Variants in MYO3B observed in about 807,000 individuals in gnomAD.
The protein encoded by MYO3B is myosin-IIIb.
A neutral mutation model predicts 174.6 loss-of-function variants in MYO3B; 156 were observed. The observed-to-expected ratio is 0.89, with a 90% CI of 0.78 to 1.02. MYO3B has a LOEUF of 1.02. Ranked by LOEUF, MYO3B falls within the 50% of genes least tolerant of loss-of-function variation. MYO3B has a pLI of 0.00. For synonymous variants in MYO3B, 563 were observed against 569.1 expected, an observed-to-expected ratio of 0.99 and a Z score of 0.15; for missense variants, 1,632 against 1,639.4, an observed-to-expected ratio of 1.00 and a Z score of 0.08.
intron 28 of MYO3B, among the ~76,000 whole-genome samples, chr2:170,508,333 T>A (rs1324825092): frequency 6.6e-6 from 1 of 152,242 alleles, no homozygotes; most frequent in Non-Finnish European, 1.5e-5. Flanking sequence ...CTTTACTCTA[T>A]GTCTTTAAAA....
Position 170,550,432 on chromosome 2 carries a change from G to A in MYO3B, c.3733+6444G>A, listed in dbSNP as rs192155840. 4.8e-4 allele frequency among the ~76,000 whole-genome samples: 73 copies of A among 152,312 alleles called. 1 individual carries two copies. Among genetic ancestry groups the A allele is most frequent in the Non-Finnish European group, 2.9e-4 (20 of 68,024 alleles). ...TTCCAATTCTGTGTGGGATGGAGGC[G>A]GGGATTCGTATTGTTATCAAGTTTC... On this transcript the variant is annotated intron_variant, in intron 32 of 34. Transcript: ENST00000408978.
At chr2:170,399,777 G>A (rs1432625520) in intron 16 of MYO3B, among the ~76,000 whole-genome samples, 1 of 152,188 alleles carries the variant, frequency 6.6e-6, no homozygotes, top group Non-Finnish European at 1.5e-5. Flanking sequence ...GTGGCTTAAA[G>A]AACAAAGAAG....
chr2:170,382,033 C>T lies in MYO3B; in HGVS notation c.989C>T (p.Thr330Ile), dbSNP rs1412785087. ...ATTTCTAGGCATGAGAGGATGCATACCAGAAGACCTTATCATGTGGAAGAT... is the reference window on the plus strand; with the variant it reads ...ATTTCTAGGCATGAGAGGATGCATATCAGAAGACCTTATCATGTGGAAGAT... ...VAKTRHERMH[T>I]RRPYHVEDAE... The change falls in exon 10 of 35, where the codon ACC (threonine) becomes ATC (isoleucine). Residue 330 changes from threonine (T) to isoleucine (I), a missense_variant. Physicochemically the swap from Thr to Ile is moderately conservative, Grantham distance 89. Coordinates refer to ENST00000408978, the MANE Select transcript of MYO3B (RefSeq NM_138995.5). 36 of 1,612,926 alleles carry T rather than the reference C, an allele frequency of 2.2e-5. No individual in the cohort carries two copies. The highest frequency in any genetic ancestry group is 2.8e-5 in the Non-Finnish European group (33 of 1,179,298).
Position 170,386,243 on chromosome 2 carries a change from A to C in MYO3B, c.1345A>C (p.Ile449Leu). The change falls in exon 13 of 35, where the codon ATT becomes CTT. Residue 449 changes from isoleucine (I) to leucine (L), a missense_variant. Transcript: ENST00000408978. ...TGGGAAGACAGAAAGCGCCCACCTGATTGTTCAGCATTTGACTTTCTTGGG... is the reference window on the plus strand; with the variant it reads ...TGGGAAGACAGAAAGCGCCCACCTGCTTGTTCAGCATTTGACTTTCTTGGG... The part of the protein sequence containing the change: ...GSGKTESAHL[I>L]VQHLTFLGKA... 1 of 1,613,600 alleles carries C rather than the reference A, an allele frequency of 6.2e-7. No homozygotes were observed. The highest frequency in any genetic ancestry group is 8.5e-7 in the Non-Finnish European group (1 of 1,179,642).
intron 7 of MYO3B, among the ~76,000 whole-genome samples, chr2:170,254,365 C>T (rs946539930): frequency 6.6e-6 from 1 of 152,158 alleles, no homozygotes; most frequent in African/African-American, 2.4e-5. Flanking sequence ...CCATCTTACT[C>T]TGAATGACCA....
chr2:170,600,100 A>T (rs369594750), intron 32 of MYO3B, among the ~76,000 whole-genome samples: 49 of 151,176 alleles, frequency 3.2e-4, no homozygotes, highest in Non-Finnish European at 5.7e-4. Context: ...AACAATAGAG[A>T]ACTCTGAAGA....
chr2:170,494,904 A>G (rs1254619112), intron 25 of MYO3B, among the ~76,000 whole-genome samples: 2 of 152,152 alleles, frequency 1.3e-5, no homozygotes, highest in African/African-American at 4.8e-5. Context: ...TCCCTACCCA[A>G]GATAATAGTT....
intron 30 of MYO3B, among the ~76,000 whole-genome samples, chr2:170,533,532 G>A (rs1021219504): frequency 1.3e-5 from 2 of 151,900 alleles, no homozygotes; most frequent in African/African-American, 4.8e-5. Context: ...TCTATGCCTT[G>A]GCCTAATTCA....
At chr2:170,312,753 C>T (rs1291601906) in intron 7 of MYO3B, among the ~76,000 whole-genome samples, 1 of 152,188 alleles carries the variant, frequency 6.6e-6, no homozygotes, top group Non-Finnish European at 1.5e-5. Context: ...GGTTAGAGGC[C>T]AGTTGAAATC....
intron 32 of MYO3B, among the ~76,000 whole-genome samples, chr2:170,559,967 T>TG (rs2106249548): frequency 6.6e-6 from 1 of 152,314 alleles, no homozygotes; most frequent in South Asian, 2.1e-4. Flanking sequence ...GAGGGGATTC[T>TG]GGGTCAGGAC....
chr2:170,226,184 C>T (rs1047903765), intron 6 of MYO3B, among the ~76,000 whole-genome samples: 3 of 152,094 alleles, frequency 2.0e-5, no homozygotes, highest in Admixed American at 6.5e-5. Flanking sequence ...ATTCATGGGA[C>T]CCTGTCTGCC....
chr2:170,229,542 C>T (rs1001352749), intron 6 of MYO3B, among the ~76,000 whole-genome samples: 1 of 152,060 alleles, frequency 6.6e-6, no homozygotes, highest in Admixed American at 6.6e-5. Flanking sequence ...CTGAATAATA[C>T]CTGTTGTTTA....
chr2:170,616,495 T>A (rs1439068836), intron 32 of MYO3B, among the ~76,000 whole-genome samples: 1 of 152,196 alleles, frequency 6.6e-6, no homozygotes, highest in Non-Finnish European at 1.5e-5. Context: ...ACTTTGTATT[T>A]ACAATAATCA....
At chr2:170,366,369 T>C (rs1468510792) in intron 8 of MYO3B, among the ~76,000 whole-genome samples, 1 of 152,112 alleles carries the variant, frequency 6.6e-6, no homozygotes, top group Admixed American at 6.6e-5. Context: ...GGTGGGATCA[T>C]AGCTCACTGC....
intron 9 of MYO3B, 65 bp downstream of exon 9, chr2:170,369,442 G>T (rs2094223898): frequency 1.3e-6 from 2 of 1,533,858 alleles, no homozygotes; most frequent in African/African-American, 1.4e-5. Flanking sequence ...CATGTGTTTT[G>T]ATTTGCCCAG....
At chr2:170,183,844 G>T (rs1218932117) in intron 1 of MYO3B, among the ~76,000 whole-genome samples, 3 of 151,854 alleles carry the variant, frequency 2.0e-5, no homozygotes, top group African/African-American at 7.2e-5. Context: ...CTGTTTAAAT[G>T]CTAGAAAGGA....
At chr2:170,215,949 T>C (rs2092823605) in intron 5 of MYO3B, among the ~76,000 whole-genome samples, 1 of 152,228 alleles carries the variant, frequency 6.6e-6, no homozygotes, top group Non-Finnish European at 1.5e-5. Flanking sequence ...TCCTAATCTT[T>C]CCATTAGAAG....
Position 170,301,842 on chromosome 2 carries a change from G to A in MYO3B, c.750-33543G>A, listed in dbSNP as rs186327601. Among the ~76,000 whole-genome samples the A allele has an allele frequency of 2.0e-4, 29 of 148,138 alleles. No individual in the cohort carries two copies. The East Asian group carries it at 4.4e-3, about 22-fold the overall frequency. ...GTGAGAAAGCCTACAGGAAACGAGC[G>A]ACATAGAGCGGCCACATAGGCAAAG... On this transcript the variant is annotated intron_variant, in intron 7 of 34. Coordinates refer to ENST00000408978, the MANE Select transcript of MYO3B (RefSeq NM_138995.5).
At chr2:170,627,911 G>A (rs905990682) in intron 32 of MYO3B, among the ~76,000 whole-genome samples, 3 of 152,178 alleles carry the variant, frequency 2.0e-5, no homozygotes, top group Non-Finnish European at 4.4e-5. Flanking sequence ...TTTTCTGGAG[G>A]TTTCGTCTCA....
Sources: gnomAD v4.1 joint callset for allele counts (sites outside exome capture counted in the v4.1 genomes callset) on GRCh38, gnomAD v4.1.1 for gene constraint, MANE v1.5 for transcripts, NCBI Gene and HGNC (gene_info 2026-07-23, HGNC 2026-07-21) for gene names.